HS6ST3: variants seen among roughly 807,000 people sequenced by gnomAD.
HS6ST3 encodes heparan-sulfate 6-O-sulfotransferase 3.
A neutral mutation model predicts 36.7 loss-of-function variants in HS6ST3; 12 were observed. The observed-to-expected ratio is 0.33, with a 90% confidence interval of 0.21 to 0.53. HS6ST3 has a LOEUF of 0.53. Among genes scored for constraint, HS6ST3 ranks in the 20% least tolerant of loss-of-function variants. HS6ST3 has a pLI of 0.95. For synonymous variants in HS6ST3, 240 were observed against 257.5 expected, an observed-to-expected ratio of 0.93 and a Z score of 0.65; for missense variants, 584 against 640.9, an observed-to-expected ratio of 0.91 and a Z score of 0.96.
intron 1 of HS6ST3, among the ~76,000 whole-genome samples, chr13:96,310,785 T>G (rs1011555162): frequency 6.6e-5 from 10 of 152,172 alleles, no homozygotes; most frequent in East Asian, 5.8e-4. Context: ...GGCATTTTTT[T>G]GGGTTCTTCT....
intron 1 of HS6ST3, among the ~76,000 whole-genome samples, chr13:96,394,663 A>G (rs558269409): frequency 6.4e-4 from 97 of 152,348 alleles, no homozygotes; most frequent in Non-Finnish European, 1.3e-3. Flanking sequence ...TGAGTATAGC[A>G]TATTAACAAT....
At chr13:96,501,275 A>T (rs1474836877) in intron 1 of HS6ST3, among the ~76,000 whole-genome samples, 1 of 152,204 alleles carries the variant, frequency 6.6e-6, no homozygotes, top group Non-Finnish European at 1.5e-5. Context: ...CACCCATAGC[A>T]CATAAAATTG....
intron 1 of HS6ST3, among the ~76,000 whole-genome samples, chr13:96,508,412 G>T (rs2056035449): frequency 6.6e-6 from 1 of 151,964 alleles, no homozygotes; most frequent in Non-Finnish European, 1.5e-5. Context: ...GGCACTACTG[G>T]TTTTTTGTTA....
intron 1 of HS6ST3, among the ~76,000 whole-genome samples, chr13:96,169,059 G>A (rs868748658): frequency 1.3e-5 from 2 of 152,122 alleles, no homozygotes; most frequent in African/African-American, 4.8e-5. Context: ...TTCTGAACAG[G>A]TGATGGTCCT....
At chr13:96,508,924 T>G (rs1196668585) in intron 1 of HS6ST3, among the ~76,000 whole-genome samples, 3 of 152,068 alleles carry the variant, frequency 2.0e-5, no homozygotes, top group Non-Finnish European at 4.4e-5. Context: ...ATGGTAGATC[T>G]CCATATAGTT....
intron 1 of HS6ST3, among the ~76,000 whole-genome samples, chr13:96,179,572 A>C (rs1450347980): frequency 1.3e-5 from 2 of 152,184 alleles, no homozygotes; most frequent in East Asian, 3.9e-4. Flanking sequence ...TCACAGAGTT[A>C]ATAGTCTTGC....
rs187248522 is a variant in HS6ST3 at position 96,521,130 on chromosome 13, C to T, written c.708-311360C>T. 3.2e-3 allele frequency among the ~76,000 whole-genome samples: 480 copies of T among 152,212 alleles called. 1 individual carries two copies. Among genetic ancestry groups the T allele is most frequent in the Admixed American group, 0.011 (170 of 15,300 alleles). On this transcript the variant is annotated intron_variant, in intron 1 of 1. Transcript: ENST00000376705. ...AATCATGTGGTTTTTGTCATTGGTTCTGTTTATGTGATGAATTATGTTTAT... is the reference window on the plus strand; with the variant it reads ...AATCATGTGGTTTTTGTCATTGGTTTTGTTTATGTGATGAATTATGTTTAT...
intron 1 of HS6ST3, among the ~76,000 whole-genome samples, chr13:96,244,523 TAGA>T (rs1476596996): frequency 6.6e-6 from 1 of 152,156 alleles, no homozygotes; most frequent in Non-Finnish European, 1.5e-5. Flanking sequence ...ATTAAGGGAA[TAGA>T]AGATGTCATC....
At chr13:96,137,436 A>ATTT (rs56884747) in intron 1 of HS6ST3, among the ~76,000 whole-genome samples, 7 of 141,428 alleles carry the variant, frequency 4.9e-5, no homozygotes, top group Admixed American at 7.0e-5. Flanking sequence ...AATCCTGAAC[A>ATTT]TTTTTTTTTT....
chr13:96,561,860 T>C (rs2056263578), intron 1 of HS6ST3, among the ~76,000 whole-genome samples: 1 of 152,098 alleles, frequency 6.6e-6, no homozygotes, highest in East Asian at 1.9e-4. Context: ...TGTCTGTTAT[T>C]AAAAAGTCAA....
intron 1 of HS6ST3, among the ~76,000 whole-genome samples, chr13:96,712,151 C>A (rs1048747635): frequency 6.6e-6 from 1 of 152,104 alleles, no homozygotes; most frequent in East Asian, 1.9e-4. Context: ...ATGAACCAGT[C>A]CTGATTTTTC....
At chr13:96,460,573 C>T (rs1047415212) in intron 1 of HS6ST3, among the ~76,000 whole-genome samples, 1 of 152,158 alleles carries the variant, frequency 6.6e-6, no homozygotes, top group African/African-American at 2.4e-5. Context: ...CTGGTCTATA[C>T]ACCTTTTAAG....
At chr13:96,260,229 CCCTT>C (rs71681344) in intron 1 of HS6ST3, among the ~76,000 whole-genome samples, 1,602 of 143,480 alleles carry the variant, frequency 0.011, 25 homozygotes, top group South Asian at 0.05. Context: ...TTTATTTTTT[CCCTT>C]CCTTCCTTCC....
At chr13:96,326,381 T>C (rs2055031791) in intron 1 of HS6ST3, among the ~76,000 whole-genome samples, 2 of 132,272 alleles carry the variant, frequency 1.5e-5, no homozygotes, top group South Asian at 4.7e-4. Context: ...CCCGTGTCCA[T>C]GTGTTCTCGT....
At chr13:96,235,351 C>T (rs1452737891) in intron 1 of HS6ST3, among the ~76,000 whole-genome samples, 1 of 152,086 alleles carries the variant, frequency 6.6e-6, no homozygotes, top group Non-Finnish European at 1.5e-5. Flanking sequence ...TTGAACTAGT[C>T]AGAGCAGGCA....
At chr13:96,242,220 C>CT (rs149222857) in intron 1 of HS6ST3, among the ~76,000 whole-genome samples, 16,753 of 146,750 alleles carry the variant, frequency 0.11, 1,163 homozygotes, top group East Asian at 0.2. Context: ...GTTTTTGAGT[C>CT]TTTTTTTTTT....
chr13:96,171,787 A>T (rs943881960), intron 1 of HS6ST3, among the ~76,000 whole-genome samples: 18 of 152,224 alleles, frequency 1.2e-4, no homozygotes, highest in Admixed American at 4.6e-4. Flanking sequence ...TAATAGACAT[A>T]GATTGAAAGA....
At chr13:96,338,895 ACT>A (rs1434216577) in intron 1 of HS6ST3, among the ~76,000 whole-genome samples, 1 of 151,438 alleles carries the variant, frequency 6.6e-6, no homozygotes, top group Non-Finnish European at 1.5e-5. Context: ...AAAAAACAAG[ACT>A]CTTTGCTTTT....
intron 1 of HS6ST3, 68 bp from the exon 2 acceptor site, chr13:96,832,422 T>C: frequency 8.4e-7 from 1 of 1,196,434 alleles, no homozygotes; most frequent in Non-Finnish European, 1.2e-6. Context: ...CGATGTAAAA[T>C]TATAAAAATT....
Sources: gnomAD v4.1 joint callset for allele counts (sites outside exome capture counted in the v4.1 genomes callset) on GRCh38, gnomAD v4.1.1 for gene constraint, MANE v1.5 for transcripts, NCBI Gene and HGNC (gene_info 2026-07-23, HGNC 2026-07-21) for gene names.